MYLK: variants seen among roughly 807,000 people sequenced by gnomAD.
MYLK encodes myosin light chain kinase, smooth muscle.
In MYLK, 106 loss-of-function variants were observed where a neutral mutation model predicts 203.4. The observed-to-expected ratio is 0.52, with a 90% CI of 0.45 to 0.61. The LOEUF is 0.61. MYLK is among the 20% of genes least tolerant of loss of function. The pLI is 0.00. For missense variants in MYLK, 2,072 were observed against 2,442.3 expected (o/e 0.85, Z 3.20); for synonymous variants, 867 against 959.5 (o/e 0.90, Z 1.78).
Position 123,758,591 on chromosome 3 carries a change from G to A in MYLK, c.166-6053C>T, listed in dbSNP as rs73857508. 5.6e-3 allele frequency among the ~76,000 whole-genome samples: 849 copies of A among 152,114 alleles called. 11 individuals carry two copies. The highest frequency in any genetic ancestry group is 0.02 in the African/African-American group (814 of 41,494). ...CGAGACATAGGAATCCCTGCACCTCGACATCTGCAAGGCTGAGGACTTGTT... is the reference window on the plus strand; with the variant it reads ...CGAGACATAGGAATCCCTGCACCTCAACATCTGCAAGGCTGAGGACTTGTT... On this transcript the variant is annotated intron_variant, in intron 4 of 33. Coordinates refer to ENST00000360304, the MANE Select transcript of MYLK (RefSeq NM_053025.4).
At chr3:123,763,695 T>A in intron 4 of MYLK, among the ~76,000 whole-genome samples, 1 of 152,218 alleles carries the variant, frequency 6.6e-6, no homozygotes, top group East Asian at 1.9e-4. Context: ...AACTATTATG[T>A]GTGTGGGGTT....
chr3:123,625,874 T>C (rs1291088706), intron 31 of MYLK, among the ~76,000 whole-genome samples: 1 of 151,916 alleles, frequency 6.6e-6, no homozygotes, highest in African/African-American at 2.4e-5. Flanking sequence ...GTGATGATGG[T>C]GATAAACTGA....
In MYLK at chr3:123,692,717, T is replaced by G; in HGVS notation, c.3565+18A>C. On this transcript the variant is annotated intron_variant, in intron 19 of 33. Coordinates refer to ENST00000360304, the MANE Select transcript of MYLK (RefSeq NM_053025.4). Reference sequence around the variant, plus strand: ...GACCCCTGTGTATGGGTGGCGGCGATGGGTGGGCACGACCTACCATCCACG... The same window carrying G: ...GACCCCTGTGTATGGGTGGCGGCGAGGGGTGGGCACGACCTACCATCCACG... The G allele has an allele frequency of 6.3e-7, 1 of 1,584,888 alleles. No homozygotes were observed. Among genetic ancestry groups the G allele is most frequent in the South Asian group, 1.1e-5 (1 of 90,644 alleles).
intron 27 of MYLK, among the ~76,000 whole-genome samples, chr3:123,644,108 A>G (rs889464309): frequency 2.0e-5 from 3 of 152,236 alleles, no homozygotes; most frequent in Non-Finnish European, 4.4e-5. Context: ...CTAGATCTGA[A>G]GCAACTGGAC....
chr3:123,705,061 A>C (rs1263420599), intron 16 of MYLK, among the ~76,000 whole-genome samples: 1 of 152,216 alleles, frequency 6.6e-6, no homozygotes, highest in Non-Finnish European at 1.5e-5. Context: ...AGAGAGGCAG[A>C]AACTACCCAC....
chr3:123,616,570 G>A (rs944608675), intron 33 of MYLK: 1 of 152,134 alleles, frequency 6.6e-6, no homozygotes, highest in African/African-American at 2.4e-5. Flanking sequence ...CCCTGATACG[G>A]TTTGGATATT....
intron 2 of MYLK, among the ~76,000 whole-genome samples, chr3:123,852,923 T>C (rs2030981815): frequency 6.6e-6 from 1 of 152,166 alleles, no homozygotes; most frequent in Admixed American, 6.6e-5. Flanking sequence ...AGTCTCCCCA[T>C]ATTTGACAAC....
chr3:123,862,613 G>A (rs2032016293), intron 2 of MYLK, among the ~76,000 whole-genome samples: 1 of 152,114 alleles, frequency 6.6e-6, no homozygotes, highest in African/African-American at 2.4e-5. Context: ...CTGGCTTTAT[G>A]ACTCTTGCTC....
intron 23 of MYLK, among the ~76,000 whole-genome samples, chr3:123,663,572 C>T (rs2059636378): frequency 6.6e-6 from 1 of 151,986 alleles, no homozygotes; most frequent in Non-Finnish European, 1.5e-5. Flanking sequence ...TTACGGGCTG[C>T]TGGGAGGAGC....
intron 4 of MYLK, among the ~76,000 whole-genome samples, chr3:123,766,622 C>T (rs2063712937): frequency 6.6e-6 from 1 of 152,168 alleles, no homozygotes; most frequent in Non-Finnish European, 1.5e-5. Flanking sequence ...AACAGCCCTG[C>T]CCGCCTTAGG....
chr3:123,883,443 T>C (rs2033667802), intron 1 of MYLK, among the ~76,000 whole-genome samples: 1 of 151,956 alleles, frequency 6.6e-6, no homozygotes, highest in South Asian at 2.1e-4. Flanking sequence ...CACCCCAATC[T>C]AAAAAAAATA....
intron 16 of MYLK, 50 bp from the exon 17 acceptor site, chr3:123,701,559 G>A (rs374715418): frequency 1.3e-6 from 2 of 1,584,994 alleles, no homozygotes; most frequent in African/African-American, 2.7e-5. Context: ...CTGGGCAAAG[G>A]GCCTGTTCAG....
At chr3:123,632,352 G>T (rs746145493) in intron 29 of MYLK, among the ~76,000 whole-genome samples, 1 of 152,182 alleles carries the variant, frequency 6.6e-6, no homozygotes, top group African/African-American at 2.4e-5. Context: ...AAACAGAGAG[G>T]GGGGAAGTCC....
chr3:123,626,958 T>A lies in MYLK; in HGVS notation c.5115-17A>T. On this transcript the variant is annotated splice_polypyrimidine_tract_variant and intron_variant, in intron 30 of 33. Coordinates refer to ENST00000360304, the MANE Select transcript of MYLK (RefSeq NM_053025.4). Reference sequence around the variant, plus strand: ...AGGCGGTTTCTGACAGAGGCAGAGATCAGGAGATTTTTGAGCAGGAGGAGA... The same window carrying A: ...AGGCGGTTTCTGACAGAGGCAGAGAACAGGAGATTTTTGAGCAGGAGGAGA... The A allele has an allele frequency of 6.2e-7, 1 of 1,613,956 alleles. No individual in the cohort carries two copies. Among genetic ancestry groups the A allele is most frequent in the Non-Finnish European group, 8.5e-7 (1 of 1,179,972 alleles).
At chr3:123,618,818 C>T (rs371993887) in intron 32 of MYLK, 48 bp from the exon 33 acceptor site, 28 of 1,612,066 alleles carry the variant, frequency 1.7e-5, no homozygotes, top group African/African-American at 4.0e-5. Context: ...TCGTTGTTCT[C>T]GCCTCGCCTC....
At chr3:123,620,097 G>C (rs1489209020) in intron 32 of MYLK, 110 bp downstream of exon 32, 1 of 936,492 alleles carries the variant, frequency 1.1e-6, no homozygotes, top group East Asian at 2.4e-5. Context: ...ATCCTTGCAG[G>C]GAATATTAAA....
At chr3:123,875,421 A>T (rs745641963) in intron 2 of MYLK, among the ~76,000 whole-genome samples, 19 of 152,208 alleles carry the variant, frequency 1.2e-4, no homozygotes, top group Non-Finnish European at 1.6e-4. Flanking sequence ...AGGAAAGAAC[A>T]CAGGGAGAGA....
chr3:123,819,252 G>C (rs766008556), intron 3 of MYLK, among the ~76,000 whole-genome samples: 2 of 152,204 alleles, frequency 1.3e-5, no homozygotes, highest in Non-Finnish European at 2.9e-5. Context: ...CCTTCAAAGA[G>C]AGAGTTTCCC....
At chr3:123,625,113 CCTT>C (rs1317478301) in intron 31 of MYLK, 2 of 152,484 alleles carry the variant, frequency 1.3e-5, no homozygotes, top group African/African-American at 4.8e-5. Context: ...CACCTCTGTG[CCTT>C]CTCCTCCACC....
Sources: gnomAD v4.1 joint callset for allele counts (sites outside exome capture counted in the v4.1 genomes callset) on GRCh38, gnomAD v4.1.1 for gene constraint, MANE v1.5 for transcripts, NCBI Gene and HGNC (gene_info 2026-07-23, HGNC 2026-07-21) for gene names.